PIK3C2G: variants seen among roughly 807,000 people sequenced by gnomAD.
PIK3C2G encodes phosphatidylinositol 3-kinase C2 domain-containing subunit gamma.
A neutral mutation model predicts 181.1 loss-of-function variants in PIK3C2G; 168 were observed. The observed-to-expected ratio is 0.93, with a 90% CI of 0.82 to 1.05. PIK3C2G has a LOEUF of 1.05. Ranked by LOEUF, PIK3C2G falls within the 50% of genes least tolerant of loss-of-function variation. The probability of loss-of-function intolerance (pLI) is 0.00; values close to 1 mark genes in which losing one functional copy is unlikely to be tolerated. For missense variants in PIK3C2G, 1,869 were observed against 1,732.8 expected (o/e 1.08, Z -1.40); for synonymous variants, 573 against 592.2 (o/e 0.97, Z 0.47).
intron 18 of PIK3C2G, among the ~76,000 whole-genome samples, chr12:18,487,203 A>T (rs1424592767): frequency 6.6e-6 from 1 of 151,802 alleles, no homozygotes; most frequent in Non-Finnish European, 1.5e-5. Flanking sequence ...TGAGAAAATA[A>T]AAGAGGTACT....
intron 26 of PIK3C2G, among the ~76,000 whole-genome samples, chr12:18,548,430 G>C (rs1450200766): frequency 6.6e-6 from 1 of 152,020 alleles, no homozygotes; most frequent in Non-Finnish European, 1.5e-5. Context: ...GGCCAAAAGA[G>C]AAATGTAAAT....
chr12:18,526,655 T>C (rs1173924572), intron 24 of PIK3C2G, among the ~76,000 whole-genome samples: 2 of 152,150 alleles, frequency 1.3e-5, no homozygotes, highest in African/African-American at 2.4e-5. Flanking sequence ...TTTGGTTTTG[T>C]TTTGTTTTTT....
intron 5 of PIK3C2G, among the ~76,000 whole-genome samples, chr12:18,302,225 G>A (rs1051830640): frequency 2.6e-5 from 4 of 152,158 alleles, no homozygotes; most frequent in African/African-American, 7.2e-5. Flanking sequence ...TGGCAGCAGA[G>A]GGCCGAGTGG....
chr12:18,258,614 CTT>C (rs758278276), upstream of PIK3C2G, among the ~76,000 whole-genome samples: 45 of 138,022 alleles, frequency 3.3e-4, no homozygotes, highest in Admixed American at 4.4e-4. Flanking sequence ...TCAGGATTTC[CTT>C]TTTTTTTTTT....
rs139320661 is a variant in PIK3C2G at position 18,560,681 on chromosome 12, T to C, written c.3591-2022T>C. ...CCCTGAGAAAAAGAAAATGAAATAA[T>C]ATATAAAACTATATCAAAACTAAAT... On this transcript the variant is annotated intron_variant, in intron 26 of 32. Transcript: ENST00000538779. 5.8e-3 allele frequency among the ~76,000 whole-genome samples: 882 copies of C among 152,084 alleles called. 5 individuals are homozygous for C. The highest frequency in any genetic ancestry group is 0.02 in the African/African-American group (841 of 41,524).
At chr12:18,336,720 T>C (rs958816394) in intron 8 of PIK3C2G, among the ~76,000 whole-genome samples, 1 of 152,068 alleles carries the variant, frequency 6.6e-6, no homozygotes, top group Non-Finnish European at 1.5e-5. Flanking sequence ...AAAGACAAAA[T>C]AGATCTCAAC....
chr12:18,351,295 A>G (rs561844376), intron 11 of PIK3C2G, among the ~76,000 whole-genome samples: 1 of 152,268 alleles, frequency 6.6e-6, no homozygotes, highest in African/African-American at 2.4e-5. Context: ...ATAGCCTCAC[A>G]TTATAAATAA....
chr12:18,469,778 TAA>T (rs34500497), intron 18 of PIK3C2G, among the ~76,000 whole-genome samples: 22,018 of 146,502 alleles, frequency 0.15, 1,843 homozygotes, highest in African/African-American at 0.23. Flanking sequence ...AGTCTCTCTT[TAA>T]AAAAAAAAAA....
chr12:18,448,489 C>G (rs1014112480), intron 18 of PIK3C2G, among the ~76,000 whole-genome samples: 1 of 152,110 alleles, frequency 6.6e-6, no homozygotes, highest in Non-Finnish European at 1.5e-5. Flanking sequence ...TACGTTAGAT[C>G]TCTAGACTTA....
intron 4 of PIK3C2G, among the ~76,000 whole-genome samples, chr12:18,293,056 T>C (rs932479828): frequency 2.0e-5 from 3 of 152,176 alleles, no homozygotes; most frequent in African/African-American, 7.2e-5. Flanking sequence ...AGAAATGACA[T>C]GTAAAGCACT....
chr12:18,575,743 A>C (rs1358576201), intron 29 of PIK3C2G, among the ~76,000 whole-genome samples: 1 of 152,226 alleles, frequency 6.6e-6, no homozygotes, highest in Non-Finnish European at 1.5e-5. Context: ...GGCAAAGAGA[A>C]CTGCAAAAAC....
At chr12:18,468,858 A>G (rs1010100752) in intron 18 of PIK3C2G, among the ~76,000 whole-genome samples, 3 of 152,130 alleles carry the variant, frequency 2.0e-5, no homozygotes, top group African/African-American at 7.2e-5. Context: ...AGGAAGAAGC[A>G]TGTGCTTAAT....
At chr12:18,643,039 C>A (rs1949922552) in intron 32 of PIK3C2G, among the ~76,000 whole-genome samples, 1 of 152,080 alleles carries the variant, frequency 6.6e-6, no homozygotes, top group Non-Finnish European at 1.5e-5. Flanking sequence ...CTGTGTTAGG[C>A]ATAAGCATTT....
chr12:18,524,575 T>C lies in PIK3C2G; in HGVS notation c.3324-13581T>C, dbSNP rs528066896. 3.8e-3 allele frequency among the ~76,000 whole-genome samples: 571 copies of C among 151,754 alleles called. 5 individuals are homozygous for C. The highest frequency in any genetic ancestry group is 0.013 in the African/African-American group (542 of 41,338). On this transcript the variant is annotated intron_variant, in intron 24 of 32. Coordinates refer to ENST00000538779, the MANE Select transcript of PIK3C2G (RefSeq NM_001288772.2). ...GTGCCTCAGTTTTCTTTTTTTTTTTTTTCTTTTGAGCCGGAGTTCCAACCT... is the reference window on the plus strand; with the variant it reads ...GTGCCTCAGTTTTCTTTTTTTTTTTCTTCTTTTGAGCCGGAGTTCCAACCT...
chr12:18,469,989 T>G (rs1160743610), intron 18 of PIK3C2G, among the ~76,000 whole-genome samples: 1 of 151,378 alleles, frequency 6.6e-6, no homozygotes, highest in Non-Finnish European at 1.5e-5. Flanking sequence ...GGCTTTAGAG[T>G]CATATCTAAA....
intron 14 of PIK3C2G, among the ~76,000 whole-genome samples, chr12:18,390,763 G>T (rs1246818699): frequency 2.0e-5 from 3 of 152,020 alleles, no homozygotes; most frequent in Non-Finnish European, 4.4e-5. Context: ...CATTTCGTAA[G>T]GAGACATTTT....
chr12:18,549,437 C>T (rs1220716116), intron 26 of PIK3C2G, among the ~76,000 whole-genome samples: 2 of 152,022 alleles, frequency 1.3e-5, no homozygotes, highest in African/African-American at 4.8e-5. Flanking sequence ...GTTCTAAGTG[C>T]TTTTCTTACA....
intron 12 of PIK3C2G, among the ~76,000 whole-genome samples, chr12:18,367,038 T>TA (rs886366838): frequency 7.9e-5 from 12 of 152,012 alleles, no homozygotes; most frequent in Non-Finnish European, 1.5e-4. Context: ...ATTCTTGTTA[T>TA]AAAAAAAGCT....
At chr12:18,398,769 T>G (rs1480674521) in intron 15 of PIK3C2G, among the ~76,000 whole-genome samples, 1 of 152,198 alleles carries the variant, frequency 6.6e-6, no homozygotes, top group Non-Finnish European at 1.5e-5. Context: ...CACGCCAAAC[T>G]TCCCATGAAC....
Sources: gnomAD v4.1 joint callset for allele counts (sites outside exome capture counted in the v4.1 genomes callset) on GRCh38, gnomAD v4.1.1 for gene constraint, MANE v1.5 for transcripts, NCBI Gene and HGNC (gene_info 2026-07-23, HGNC 2026-07-21) for gene names.